Variants in SRGAP3 observed in about 807,000 individuals in gnomAD.
SRGAP3 encodes SLIT-ROBO Rho GTPase activating protein 3, also known as SLIT-ROBO Rho GTPase-activating protein 3.
SRGAP3 carries 39 observed loss-of-function variants against 121.1 expected under a neutral mutation model. The observed-to-expected ratio is 0.32, with a 90% CI of 0.25 to 0.42. The LOEUF is 0.42. SRGAP3 is among the 10% of genes least tolerant of loss of function. The pLI, the probability that SRGAP3 is intolerant of heterozygous loss-of-function variation, is 1.00. For synonymous variants in SRGAP3, 601 were observed against 570.0 expected, an observed-to-expected ratio of 1.05 and a Z score of -0.77; for missense variants, 1,213 against 1,470.6, an observed-to-expected ratio of 0.82 and a Z score of 2.86.
intron 4 of SRGAP3, among the ~76,000 whole-genome samples, chr3:9,066,000 T>A (rs1946414468): frequency 6.6e-6 from 1 of 152,188 alleles, no homozygotes; most frequent in African/African-American, 2.4e-5. Flanking sequence ...GGTTTTGCCA[T>A]GTTGTCCAAG....
At chr3:9,153,029 G>A (rs1560281775) in intron 1 of SRGAP3, among the ~76,000 whole-genome samples, 1 of 152,078 alleles carries the variant, frequency 6.6e-6, no homozygotes, top group Non-Finnish European at 1.5e-5. Flanking sequence ...TCCAGTAAAT[G>A]CCCCACATGC....
At chr3:9,097,812 A>C (rs1188253385) in intron 3 of SRGAP3, among the ~76,000 whole-genome samples, 2 of 152,150 alleles carry the variant, frequency 1.3e-5, no homozygotes, top group African/African-American at 4.8e-5. Flanking sequence ...ACCCAACAGG[A>C]GGGTTTAAAG....
chr3:9,068,495 G>A (rs1946532311), intron 4 of SRGAP3, among the ~76,000 whole-genome samples: 1 of 152,032 alleles, frequency 6.6e-6, no homozygotes, highest in South Asian at 2.1e-4. Flanking sequence ...GTACCCTGGG[G>A]CCAAACTCCC....
chr3:9,361,807 T>A (rs2030860042), intron 1 of SRGAP3, among the ~76,000 whole-genome samples: 1 of 152,166 alleles, frequency 6.6e-6, no homozygotes, highest in Admixed American at 6.5e-5. Context: ...TCACCCACCA[T>A]CCAGGGAGTG....
chr3:9,325,349 G>C (rs1955501229), intron 3 of SRGAP3, among the ~76,000 whole-genome samples: 1 of 151,854 alleles, frequency 6.6e-6, no homozygotes, highest in Non-Finnish European at 1.5e-5. Context: ...CTATTCACTT[G>C]ACTGAGTGGT....
chr3:9,339,576 A>G (rs1955748127), intron 1 of SRGAP3, among the ~76,000 whole-genome samples: 1 of 152,358 alleles, frequency 6.6e-6, no homozygotes, highest in East Asian at 1.9e-4. Flanking sequence ...GACTTCATTA[A>G]AGGGTAGAGA....
chr3:9,003,668 T>C (rs540125763), intron 18 of SRGAP3, among the ~76,000 whole-genome samples: 20 of 152,324 alleles, frequency 1.3e-4, no homozygotes, highest in African/African-American at 4.3e-4. Context: ...ATCATCTTAA[T>C]AGATGAAGAA....
At chr3:9,226,600 C>T (rs1369002350) in intron 1 of SRGAP3, among the ~76,000 whole-genome samples, 1 of 152,232 alleles carries the variant, frequency 6.6e-6, no homozygotes, top group African/African-American at 2.4e-5. Flanking sequence ...CACAGCAAAA[C>T]TCACTGTCAA....
intron 1 of SRGAP3, among the ~76,000 whole-genome samples, chr3:9,170,670 T>C (rs903257263): frequency 1.1e-4 from 16 of 152,198 alleles, no homozygotes; most frequent in Non-Finnish European, 2.2e-4. Flanking sequence ...AGCATACCCT[T>C]TCCTCTGCAC....
intron 1 of SRGAP3, among the ~76,000 whole-genome samples, chr3:9,240,757 G>A (rs1025187960): frequency 3.9e-5 from 6 of 152,200 alleles, no homozygotes; most frequent in Admixed American, 6.5e-5. Context: ...TTCTGGTTCC[G>A]TATTTCCAGG....
At chr3:9,051,642 T>C (rs1945581939) in intron 9 of SRGAP3, among the ~76,000 whole-genome samples, 1 of 151,374 alleles carries the variant, frequency 6.6e-6, no homozygotes, top group South Asian at 2.1e-4. Context: ...AATAAAAGAA[T>C]ATGATCTTAG....
At chr3:9,070,846 G>A (rs868024562) in intron 4 of SRGAP3, among the ~76,000 whole-genome samples, 4 of 152,126 alleles carry the variant, frequency 2.6e-5, no homozygotes, top group African/African-American at 7.2e-5. Context: ...CATGCAGGTC[G>A]CCGCCCTCAT....
intron 1 of SRGAP3, among the ~76,000 whole-genome samples, chr3:9,238,482 C>T (rs1358951743): frequency 6.6e-6 from 1 of 152,136 alleles, no homozygotes; most frequent in Admixed American, 6.5e-5. Context: ...GGATACCACC[C>T]TTGTTCCCCG....
chr3:9,235,336 G>A (rs1038070844), intron 1 of SRGAP3, among the ~76,000 whole-genome samples: 2 of 152,190 alleles, frequency 1.3e-5, no homozygotes, highest in South Asian at 2.1e-4. Context: ...TGATAGAGAC[G>A]TGAAGTCTGG....
intron 1 of SRGAP3, among the ~76,000 whole-genome samples, chr3:9,162,138 G>C (rs1245770188): frequency 6.6e-6 from 1 of 152,174 alleles, no homozygotes; most frequent in African/African-American, 2.4e-5. Flanking sequence ...AGAGAGAGGA[G>C]TGCTGGGTGC....
intron 3 of SRGAP3, among the ~76,000 whole-genome samples, chr3:9,272,672 T>C (rs1162967161): frequency 6.6e-6 from 1 of 152,244 alleles, no homozygotes; most frequent in Non-Finnish European, 1.5e-5. Flanking sequence ...ACACTTGAGT[T>C]GCTTTTACCT....
intron 4 of SRGAP3, among the ~76,000 whole-genome samples, chr3:9,069,135 C>T (rs964934555): frequency 6.6e-6 from 1 of 152,158 alleles, no homozygotes; most frequent in Non-Finnish European, 1.5e-5. Context: ...GGTTGTTTTG[C>T]TTTCCTTGTA....
rs1476482169 is a variant in SRGAP3, at chr3:9,218,999, T to G, written c.67+29886A>C. Among the ~76,000 whole-genome samples, 1 of 152,086 alleles carries G rather than the reference T, an allele frequency of 6.6e-6. No homozygotes were observed. Among genetic ancestry groups the G allele is most frequent in the African/African-American group, 2.4e-5 (1 of 41,420 alleles). On this transcript the variant is annotated intron_variant, in intron 1 of 21. Transcript: ENST00000383836. This position sits in a 1 kb window ranked among gnomAD's most constrained non-coding sequence, Gnocchi z 5.3. Reference sequence around the variant, plus strand: ...ATTTTATCTTATCTTATTTTATTTTTATTTTATTTTATTTAAATAGAGACA... The same window carrying G: ...ATTTTATCTTATCTTATTTTATTTTGATTTTATTTTATTTAAATAGAGACA...
At chr3:9,164,018 A>G (rs1950694609) in intron 1 of SRGAP3, among the ~76,000 whole-genome samples, 1 of 106,410 alleles carries the variant, frequency 9.4e-6, no homozygotes, top group Admixed American at 1.2e-4. Flanking sequence ...TTTTTTTGAG[A>G]CAGAGTTTCA....
Sources: allele counts gnomAD v4.1 joint callset (sites outside exome capture counted in the v4.1 genomes callset), GRCh38; gene constraint gnomAD v4.1.1; non-coding constraint Gnocchi (gnomAD v3.1); transcripts MANE v1.5; gene names NCBI Gene and HGNC (gene_info 2026-07-23, HGNC 2026-07-21).